LIN9: variants seen among roughly 807,000 people sequenced by gnomAD.
LIN9 encodes the protein lin-9 DREAM MuvB core complex component.
A neutral mutation model predicts 78.0 loss-of-function variants in LIN9; 18 were observed. The ratio of observed to expected loss-of-function variants is 0.23; its 90% confidence interval spans 0.16 to 0.34. The LOEUF is 0.34. Ranked by LOEUF, LIN9 falls within the 10% of genes least tolerant of loss-of-function variation. The pLI, the probability that LIN9 is intolerant of heterozygous loss-of-function variation, is 1.00. For missense variants in LIN9, 451 were observed against 644.1 expected (o/e 0.70, Z 3.25); for synonymous variants, 192 against 215.2 (o/e 0.89, Z 0.94).
chr1:226,234,689 T>C (rs148614666), intron 12 of LIN9, among the ~76,000 whole-genome samples: 3 of 151,858 alleles, frequency 2.0e-5, no homozygotes, highest in Admixed American at 1.3e-4. Context: ...GTCTAGTGTG[T>C]TCTTTGCTAT....
chr1:226,243,137 A>C (rs1405044924), intron 11 of LIN9, among the ~76,000 whole-genome samples: 3 of 152,230 alleles, frequency 2.0e-5, no homozygotes, highest in Non-Finnish European at 4.4e-5. Flanking sequence ...ATTTGACTAC[A>C]TCAAAATTTA....
At chr1:226,309,059 G>C in intron 1 of LIN9, 50 bp downstream of exon 1, 3 of 1,305,380 alleles carry the variant, frequency 2.3e-6, no homozygotes, top group Non-Finnish European at 2.9e-6. Flanking sequence ...TGCAACCGCT[G>C]GGCAAGCAGC....
rs374895010 is a variant in LIN9, at chr1:226,232,549, C to T, written c.1581G>A (p.Gln527=). The part of the protein sequence containing the change: ...HVAHIQSGLS[Q]MGNLHAFAAN... The stretch of plus-strand genomic sequence containing the variant: ...CTGCAAAGGCATGTAAGTTTCCCAT[C>T]TGGCTCAGGCCACTCTGAATATGTG... Residue 527 remains glutamine (Q), a synonymous_variant, in exon 15 of 15, where the codon CAG becomes CAA. Transcript: ENST00000681046. The T allele has an allele frequency of 1.9e-6, 3 of 1,612,502 alleles. No homozygotes were observed. The highest frequency in any genetic ancestry group is 2.2e-5 in the East Asian group (1 of 44,824).
intron 10 of LIN9, among the ~76,000 whole-genome samples, chr1:226,258,112 A>G (rs1406574014): frequency 6.6e-6 from 1 of 151,938 alleles, no homozygotes; most frequent in Non-Finnish European, 1.5e-5. Context: ...TAAGTCCAGG[A>G]GGTTGAGGCT....
At chr1:226,275,133 A>G (rs1392227566) in intron 7 of LIN9, among the ~76,000 whole-genome samples, 1 of 152,090 alleles carries the variant, frequency 6.6e-6, no homozygotes, top group Non-Finnish European at 1.5e-5. Context: ...ACTTGCTTTT[A>G]TATTTTGTAG....
chr1:226,302,799 CAG>C (rs1244642698), intron 1 of LIN9, among the ~76,000 whole-genome samples: 1 of 152,172 alleles, frequency 6.6e-6, no homozygotes, highest in Non-Finnish European at 1.5e-5. Context: ...AAATGGATAA[CAG>C]ACTTAAAATG....
Position 226,232,039 on chromosome 1 carries a change from A to G in LIN9, c.*462T>C, listed in dbSNP as rs1161469721. ...CACCTCATGATGTTATCTTTTGAAGACTGAGATGGTGATCAACTAAATCAA... is the reference window on the plus strand; with the variant it reads ...CACCTCATGATGTTATCTTTTGAAGGCTGAGATGGTGATCAACTAAATCAA... On this transcript the variant is annotated 3_prime_UTR_variant, in exon 15 of 15. Coordinates refer to ENST00000681046, the MANE Select transcript of LIN9 (RefSeq NM_001366245.2). The G allele has an allele frequency of 1.3e-5, 5 of 398,338 alleles. No homozygotes were observed. Among genetic ancestry groups the G allele is most frequent in the Non-Finnish European group, 2.2e-5 (5 of 225,964 alleles). The allele number at this position is 398,338 out of a possible 1,614,324, so 24.7% of individuals were successfully genotyped here. A position where few individuals can be genotyped will look rare whatever the true frequency, so the allele number is the denominator to read the frequency against.
At chr1:226,305,190 C>A (rs1049128900) in intron 1 of LIN9, among the ~76,000 whole-genome samples, 2 of 151,568 alleles carry the variant, frequency 1.3e-5, no homozygotes, top group East Asian at 3.9e-4. Context: ...TAAAGATAGG[C>A]CCTGCATGGT....
At chr1:226,250,741 G>T (rs1237021434) in intron 11 of LIN9, 98 bp downstream of exon 11, 2 of 653,154 alleles carry the variant, frequency 3.1e-6, no homozygotes, top group Admixed American at 3.0e-5. Context: ...TTATCTGAAG[G>T]TTTCCTTCCA....
At chr1:226,304,272 G>A (rs1662757067) in intron 1 of LIN9, among the ~76,000 whole-genome samples, 1 of 152,130 alleles carries the variant, frequency 6.6e-6, no homozygotes, top group Admixed American at 6.5e-5. Context: ...ACCCTTCTTA[G>A]TTCATAAGCA....
intron 1 of LIN9, among the ~76,000 whole-genome samples, chr1:226,306,782 T>C (rs1185446044): frequency 6.6e-6 from 1 of 152,182 alleles, no homozygotes; most frequent in Non-Finnish European, 1.5e-5. Flanking sequence ...CTATTTCCAG[T>C]ATCAAATTGA....
chr1:226,277,817 C>T lies in LIN9; in HGVS notation c.640G>A (p.Asp214Asn). The T allele has an allele frequency of 6.2e-7, 1 of 1,613,902 alleles. No homozygotes were observed. The highest frequency in any genetic ancestry group is 8.5e-7 in the Non-Finnish European group (1 of 1,179,918). The change falls in exon 7 of 15, where the codon GAT becomes AAT. Residue 214 changes from aspartate to asparagine, a missense_variant. Physicochemically the swap from Asp to Asn is conservative, Grantham distance 23 (BLOSUM62 1). Coordinates refer to ENST00000681046, the MANE Select transcript of LIN9 (RefSeq NM_001366245.2). The stretch of plus-strand genomic sequence containing the variant: ...ATAACCAGAGGCAAAGGAATTTCAT[C>T]TGGGAGATCTTTGAATTGTGAAACA... ...ADVSQFKDLPDEIPLPLVIGT... is the reference protein window; with the variant it reads ...ADVSQFKDLPNEIPLPLVIGT...
Position 226,233,142 on chromosome 1 carries a change from C to A in LIN9, c.1477G>T (p.Asp493Tyr), listed in dbSNP as rs758353926. ...LNSFEFKSLTDSLNDIKSTID... is the reference protein window; with the variant it reads ...LNSFEFKSLTYSLNDIKSTID... ...GTACTCTTGATATCATTTAATGAGT[C>A]TGTAAGTGATTTGAATTCAAAGGAA... Residue 493 changes from aspartate to tyrosine, a missense_variant, in exon 14 of 15, where the codon GAC becomes TAC. Physicochemically the swap from Asp to Tyr is radical, Grantham distance 160. Coordinates refer to ENST00000681046, the MANE Select transcript of LIN9 (RefSeq NM_001366245.2). The A allele has an allele frequency of 6.2e-7, 1 of 1,608,110 alleles. No individual in the cohort carries two copies. The highest frequency in any genetic ancestry group is 1.1e-5 in the South Asian group (1 of 89,132).
chr1:226,240,912 ATAT>A (rs1259790647), intron 11 of LIN9, among the ~76,000 whole-genome samples: 2 of 152,172 alleles, frequency 1.3e-5, no homozygotes, highest in Non-Finnish European at 2.9e-5. Context: ...GAGAAAGAAG[ATAT>A]TATTGCTTAT....
At chr1:226,254,462 T>C (rs2102876903) in intron 10 of LIN9, among the ~76,000 whole-genome samples, 1 of 152,242 alleles carries the variant, frequency 6.6e-6, no homozygotes, top group East Asian at 1.9e-4. Context: ...ATAGTGGAAG[T>C]AGTATTTTAA....
intron 2 of LIN9, among the ~76,000 whole-genome samples, chr1:226,298,922 G>C (rs1164218121): frequency 6.6e-6 from 1 of 151,946 alleles, no homozygotes; most frequent in Non-Finnish European, 1.5e-5. Flanking sequence ...AAATCAGCGT[G>C]GTTATTTCTG....
chr1:226,267,230 GATATATATAT>G (rs4012808), intron 8 of LIN9, among the ~76,000 whole-genome samples: 2 of 137,700 alleles, frequency 1.5e-5, no homozygotes, highest in Admixed American at 7.5e-5. Context: ...GCACTAAGGA[GATATATATAT>G]ATATATATAT....
intron 11 of LIN9, 35 bp downstream of exon 11, chr1:226,250,804 C>A (rs1288567415): frequency 1.8e-6 from 2 of 1,095,170 alleles, no homozygotes; most frequent in Non-Finnish European, 2.7e-6. Flanking sequence ...TAAAATTAGA[C>A]AAGCAAATGA....
chr1:226,244,386 C>T (rs542695214), intron 11 of LIN9, among the ~76,000 whole-genome samples: 2 of 152,110 alleles, frequency 1.3e-5, no homozygotes, highest in Admixed American at 1.3e-4. Flanking sequence ...GAGCCGAGAT[C>T]GTGCCTCTCC....
Sources: gnomAD v4.1 joint callset for allele counts (sites outside exome capture counted in the v4.1 genomes callset) on GRCh38, gnomAD v4.1.1 for gene constraint, MANE v1.5 for transcripts, NCBI Gene and HGNC (gene_info 2026-07-23, HGNC 2026-07-21) for gene names.